The following ABI2 variants were observed in gnomAD, a reference collection of about 807,000 sequenced individuals.
ABI2 encodes the protein abl interactor 2.
A neutral mutation model predicts 59.2 loss-of-function variants in ABI2; 25 were observed. The ratio of observed to expected loss-of-function variants is 0.42; its 90% CI spans 0.31 to 0.59. The LOEUF is 0.59. Ranked by LOEUF, ABI2 falls within the 20% of genes least tolerant of loss-of-function variation. The pLI, the probability that ABI2 is intolerant of heterozygous loss-of-function variation, is 0.14. For missense variants in ABI2, 545 were observed against 681.8 expected, an observed-to-expected ratio of 0.80 and a Z score of 2.23; for synonymous variants, 213 against 235.5, an observed-to-expected ratio of 0.90 and a Z score of 0.87.
intron 1 of ABI2, among the ~76,000 whole-genome samples, chr2:203,342,603 A>AAGG (rs1035327364): frequency 2.0e-5 from 2 of 102,070 alleles, no homozygotes; most frequent in African/African-American, 6.3e-5. Flanking sequence ...TTTTTGAGAC[A>AAGG]AGGTCTCACT....
At chr2:203,410,168 C>T (rs1036820152) in intron 9 of ABI2, among the ~76,000 whole-genome samples, 2 of 152,184 alleles carry the variant, frequency 1.3e-5, no homozygotes, top group Admixed American at 6.5e-5. Context: ...TTCATTGTAG[C>T]CCTCCTTACC....
At chr2:203,387,598 A>G in intron 4 of ABI2, among the ~76,000 whole-genome samples, 1 of 152,134 alleles carries the variant, frequency 6.6e-6, no homozygotes, top group East Asian at 1.9e-4. Context: ...TCTTTCTTGT[A>G]CCTAATACCT....
intron 2 of ABI2, among the ~76,000 whole-genome samples, chr2:203,376,733 C>CTTTTTTTTTT (rs370295013): frequency 8.7e-6 from 1 of 114,898 alleles, no homozygotes; most frequent in Non-Finnish European, 1.8e-5. Context: ...TTGGTCTTCC[C>CTTTTTTTTTT]TTTTTTTTTT....
intron 1 of ABI2, among the ~76,000 whole-genome samples, chr2:203,342,741 T>G (rs919962123): frequency 6.6e-6 from 1 of 152,012 alleles, no homozygotes; most frequent in Non-Finnish European, 1.5e-5. Flanking sequence ...CTCGCCACCA[T>G]GCCTGGCTAA....
intron 10 of ABI2, 56 bp downstream of exon 10, chr2:203,411,427 TA>T: frequency 1.5e-6 from 2 of 1,335,802 alleles, no homozygotes; most frequent in South Asian, 2.5e-5. Flanking sequence ...AAATGTCATT[TA>T]TATGTGATTG....
intron 1 of ABI2, among the ~76,000 whole-genome samples, chr2:203,336,764 T>C (rs757919106): frequency 1.3e-5 from 2 of 152,224 alleles, no homozygotes; most frequent in South Asian, 2.1e-4. Flanking sequence ...TAACAAGCAG[T>C]TGGGCAGGTC....
chr2:203,404,014 A>G (rs2097329982), intron 9 of ABI2, among the ~76,000 whole-genome samples: 2 of 151,724 alleles, frequency 1.3e-5, no homozygotes, highest in Admixed American at 6.6e-5. Context: ...CAGCCTCCCA[A>G]AGTGCTGGGA....
At chr2:203,374,868 A>G in intron 2 of ABI2, 1 of 454,582 alleles carries the variant, frequency 2.2e-6, no homozygotes, top group Non-Finnish European at 4.4e-6. Flanking sequence ...GCTATCCAGT[A>G]CAGTCAACTT....
At chr2:203,401,218 T>C (rs558026706) in intron 8 of ABI2, among the ~76,000 whole-genome samples, 1 of 151,924 alleles carries the variant, frequency 6.6e-6, no homozygotes, top group African/African-American at 2.4e-5. Context: ...TTTTCACTTA[T>C]CTCCTCCTTT....
chr2:203,336,881 A>G (rs889674844), intron 1 of ABI2, among the ~76,000 whole-genome samples: 1 of 152,210 alleles, frequency 6.6e-6, no homozygotes, highest in Non-Finnish European at 1.5e-5. Context: ...ACTCTTTTCC[A>G]AAAACGATGG....
intron 1 of ABI2, 31 bp downstream of exon 1, chr2:203,328,662 G>T: frequency 6.8e-7 from 1 of 1,469,936 alleles, no homozygotes; most frequent in Non-Finnish European, 9.1e-7. Flanking sequence ...GGCCGCGTCG[G>T]GGACCCCCCC....
intron 1 of ABI2, among the ~76,000 whole-genome samples, chr2:203,349,911 C>CT (rs2086607388): frequency 6.6e-6 from 1 of 151,856 alleles, no homozygotes; most frequent in Non-Finnish European, 1.5e-5. Context: ...GGGTATATAC[C>CT]TAAGAGTAGA....
chr2:203,395,603 T>G (rs988113819), intron 6 of ABI2, 53 bp from the exon 7 acceptor site: 1 of 1,550,442 alleles, frequency 6.4e-7, no homozygotes, highest in Non-Finnish European at 8.7e-7. Flanking sequence ...GAAGTGCTGA[T>G]GATCTCTTAC....
chr2:203,386,518 GT>G, intron 4 of ABI2: 1 of 701,060 alleles, frequency 1.4e-6, no homozygotes, highest in Middle Eastern at 7.5e-4. Context: ...AACTTAACAA[GT>G]TTAAGAAATT....
chr2:203,376,748 T>G (rs2095721009), intron 2 of ABI2, among the ~76,000 whole-genome samples: 1 of 150,878 alleles, frequency 6.6e-6, no homozygotes, highest in Non-Finnish European at 1.5e-5. Context: ...TTTTTTTTTT[T>G]TTTTACTGTT....
Position 203,398,632 on chromosome 2 carries a change from G to A in ABI2, c.1033+1665G>A, listed in dbSNP as rs145097266. Among the ~76,000 whole-genome samples, 456 of 152,286 alleles carry A rather than the reference G, an allele frequency of 3.0e-3. 3 individuals carry two copies. The highest frequency in any genetic ancestry group is 0.01 in the African/African-American group (424 of 41,558). On this transcript the variant is annotated intron_variant, in intron 8 of 11. Coordinates refer to ENST00000261018, the MANE Select transcript of ABI2 (RefSeq NM_001375670.1). ...AGTTTTGGCAAAGGTGTACTGACAT[G>A]TAATTGCCACCACAATCAAGTTACA...
chr2:203,359,223 A>C (rs530474101), intron 1 of ABI2, among the ~76,000 whole-genome samples: 10 of 152,308 alleles, frequency 6.6e-5, no homozygotes, highest in African/African-American at 2.2e-4. Context: ...ATGACAGATT[A>C]AGGTTTTTTT....
intron 2 of ABI2, among the ~76,000 whole-genome samples, chr2:203,372,664 C>T (rs964230432): frequency 1.3e-5 from 2 of 151,972 alleles, no homozygotes; most frequent in Non-Finnish European, 2.9e-5. Flanking sequence ...GGGCTCCTCA[C>T]TTCCCAGACG....
intron 9 of ABI2, among the ~76,000 whole-genome samples, chr2:203,409,621 T>G (rs1393731667): frequency 1.3e-5 from 2 of 152,218 alleles, no homozygotes; most frequent in African/African-American, 4.8e-5. Context: ...ATATGCTAGC[T>G]AAATCATTAA....
Sources: gnomAD v4.1 joint callset for allele counts (sites outside exome capture counted in the v4.1 genomes callset) on GRCh38, gnomAD v4.1.1 for gene constraint, MANE v1.5 for transcripts, NCBI Gene and HGNC (gene_info 2026-07-23, HGNC 2026-07-21) for gene names.